MTR: variants seen among roughly 807,000 people sequenced by gnomAD.
MTR encodes the protein methionine synthase.
In MTR, 84 loss-of-function variants were observed where a neutral mutation model predicts 154.8. That is an observed-to-expected ratio of 0.54 (90% CI 0.45 to 0.65). MTR has a LOEUF of 0.65. MTR is among the 30% of genes least tolerant of loss of function. The pLI is 0.00. For missense variants in MTR, 1,275 were observed against 1,570.2 expected, an observed-to-expected ratio of 0.81 and a Z score of 3.18; for synonymous variants, 554 against 553.9, an observed-to-expected ratio of 1.00 and a Z score of 0.00.
At chr1:236,897,310 G>GCGCGCGCGCACGCACACA in intron 32 of MTR, among the ~76,000 whole-genome samples, 192 bp downstream of exon 32, 2 of 128,614 alleles carry the variant, frequency 1.6e-5, no homozygotes, top group Admixed American at 7.6e-5. Flanking sequence ...CCACACACAC[G>GCGCGCGCGCACGCACACA]CACACACACA....
intron 2 of MTR, 44 bp downstream of exon 2, chr1:236,803,686 T>TGCAA: frequency 6.3e-7 from 1 of 1,578,906 alleles, no homozygotes; most frequent in South Asian, 1.1e-5. Flanking sequence ...TCTGTTATTC[T>TGCAA]GCAAGCTGTT....
chr1:236,871,593 A>G (rs1168365862), intron 22 of MTR, among the ~76,000 whole-genome samples: 1 of 152,106 alleles, frequency 6.6e-6, no homozygotes, highest in African/African-American at 2.4e-5. Context: ...CTAGTTTTAT[A>G]TGTGACAGTC....
intron 11 of MTR, among the ~76,000 whole-genome samples, chr1:236,828,631 TTAAGAG>T (rs1388675582): frequency 2.0e-5 from 3 of 152,132 alleles, no homozygotes; most frequent in Non-Finnish European, 2.9e-5. Context: ...AAACAAATCT[TTAAGAG>T]TAATTATTTT....
intron 18 of MTR, among the ~76,000 whole-genome samples, chr1:236,858,021 T>TA (rs1434312367): frequency 6.6e-6 from 1 of 152,108 alleles, no homozygotes; most frequent in East Asian, 1.9e-4. Flanking sequence ...GGCCTGGTGG[T>TA]AAAGAGTTGA....
chr1:236,889,238 T>G lies in MTR; in HGVS notation c.2909T>G (p.Val970Gly). The change falls in exon 28 of 33, where the codon GTG becomes GGG. Residue 970 changes from valine (V) to glycine (G), a missense_variant. Physicochemically the swap from Val to Gly is moderately radical, Grantham distance 109 (BLOSUM62 -3). Coordinates refer to ENST00000366577, the MANE Select transcript of MTR (RefSeq NM_000254.3). ...GAAGACTATGACCTGCAGAAGCTGG[T>G]GGACTACATTGACTGGAAGCCTTTC... is the stretch of plus-strand genomic sequence containing the variant. ...VFEDYDLQKL[V>G]DYIDWKPFFD... 6.2e-7 allele frequency: 1 copy of G among 1,614,216 alleles called. No homozygotes were observed. The highest frequency in any genetic ancestry group is 1.1e-5 in the South Asian group (1 of 91,086).
intron 18 of MTR, among the ~76,000 whole-genome samples, chr1:236,855,126 A>G (rs16834475): frequency 0.077 from 11,743 of 152,194 alleles, 949 homozygotes; most frequent in African/African-American, 0.2. Context: ...GAAATGGAGC[A>G]TGAAGAGCAG....
intron 6 of MTR, among the ~76,000 whole-genome samples, chr1:236,813,443 T>C (rs773290720): frequency 6.6e-6 from 1 of 152,220 alleles, no homozygotes; most frequent in Non-Finnish European, 1.5e-5. Context: ...TTTTTATCTT[T>C]AGTGTCAAAT....
intron 15 of MTR, among the ~76,000 whole-genome samples, chr1:236,843,619 G>C (rs1460826824): frequency 6.6e-6 from 1 of 152,206 alleles, no homozygotes; most frequent in Non-Finnish European, 1.5e-5. Flanking sequence ...CTGTAATTCA[G>C]ATGAGATATG....
Position 236,897,710 on chromosome 1 carries a change from T to A in MTR, c.*66T>A. 1.5e-6 allele frequency: 2 copies of A among 1,379,020 alleles called. No individual in the cohort carries two copies. The highest frequency in any genetic ancestry group is 2.0e-6 in the Non-Finnish European group (2 of 975,786). The allele number at this position is 1,379,020 out of a possible 1,614,324, so 85.4% of individuals were successfully genotyped here. On this transcript the variant is annotated 3_prime_UTR_variant, in exon 33 of 33. Coordinates refer to ENST00000366577, the MANE Select transcript of MTR (RefSeq NM_000254.3). ...CAAGGAAATACAACCTAGGGTGCCT[T>A]AAAAATAACAACAACAAAAAACCTG...
intron 13 of MTR, 63 bp downstream of exon 13, chr1:236,832,141 T>C (rs1193059741): frequency 5.1e-5 from 64 of 1,249,482 alleles, no homozygotes; most frequent in Non-Finnish European, 7.2e-5. Context: ...AGCATGTAAA[T>C]GAAACAGCTC....
intron 15 of MTR, among the ~76,000 whole-genome samples, chr1:236,840,583 G>A (rs1174788649): frequency 6.6e-6 from 1 of 152,202 alleles, no homozygotes; most frequent in African/African-American, 2.4e-5. Context: ...ACATGGCCAC[G>A]TGGAGAAAGA....
chr1:236,851,767 G>A (rs1162209946), intron 16 of MTR, among the ~76,000 whole-genome samples: 1 of 152,076 alleles, frequency 6.6e-6, no homozygotes, highest in African/African-American at 2.4e-5. Context: ...ATATTTTTAT[G>A]TTTTTTTCTT....
At chr1:236,851,011 A>T (rs1663867928) in intron 16 of MTR, among the ~76,000 whole-genome samples, 1 of 152,210 alleles carries the variant, frequency 6.6e-6, no homozygotes, top group Admixed American at 6.5e-5. Context: ...GAGTTTTATG[A>T]CGCTACTCTG....
intron 29 of MTR, 120 bp downstream of exon 29, chr1:236,891,449 C>T: frequency 9.4e-7 from 1 of 1,064,428 alleles, no homozygotes. Context: ...CAATCACATG[C>T]CCAAGAAGTG....
rs542695639 is a variant in MTR at position 236,856,027 on chromosome 1, G to T, written c.1953+2939G>T. ...ATCAGGTTTGGAACATAGCTATCAG[G>T]TGGGATAGTTTTTAGACATCACAAC... On this transcript the variant is annotated intron_variant, in intron 18 of 32. Coordinates refer to ENST00000366577, the MANE Select transcript of MTR (RefSeq NM_000254.3). Among the ~76,000 whole-genome samples, 4 of 152,292 alleles carry T rather than the reference G, an allele frequency of 2.6e-5. No individual in the cohort carries two copies. In the East Asian group the frequency reaches 7.7e-4, roughly 29 times the overall value.
intron 11 of MTR, among the ~76,000 whole-genome samples, chr1:236,827,508 T>C (rs1399349985): frequency 6.6e-6 from 1 of 152,246 alleles, no homozygotes; most frequent in African/African-American, 2.4e-5. Flanking sequence ...CCAGATATTA[T>C]GATATTCTAT....
At position 236,863,554 on chromosome 1, in the gene MTR, G is replaced by A. The variant is rs760932771; in HGVS notation, c.2405G>A (p.Arg802Gln). Residue 802 changes from arginine (R) to glutamine (Q), a missense_variant and splice_region_variant, in exon 22 of 33, where the codon CGA (arginine) becomes CAA (glutamine). By Grantham distance (43) the Arg-to-Gln change is conservative. Transcript: ENST00000366577. The part of the protein sequence containing the change: ...VGVVLGCNNF[R>Q]VIDLGVMTPC... ...GTAGTCCTTGGCTGCAATAATTTCCGGTAAGTTAGGACCTCACCTCTTTCA... is the reference window on the plus strand; with the variant it reads ...GTAGTCCTTGGCTGCAATAATTTCCAGTAAGTTAGGACCTCACCTCTTTCA... The A allele has an allele frequency of 6.2e-6, 10 of 1,613,074 alleles. No homozygotes were observed. The highest frequency in any genetic ancestry group is 1.7e-5 in the Admixed American group (1 of 59,978).
chr1:236,860,202 C>T (rs1437907032), intron 19 of MTR, among the ~76,000 whole-genome samples: 1 of 151,824 alleles, frequency 6.6e-6, no homozygotes. Flanking sequence ...CTGCAGTGCC[C>T]AGGACAGCCC....
At chr1:236,841,946 G>A (rs943464262) in intron 15 of MTR, among the ~76,000 whole-genome samples, 21 of 150,252 alleles carry the variant, frequency 1.4e-4, no homozygotes, top group Non-Finnish European at 1.6e-4. Context: ...GCTGGAGTGC[G>A]GTGGCGCGAT....
Sources: gnomAD v4.1 joint callset for allele counts (sites outside exome capture counted in the v4.1 genomes callset) on GRCh38, gnomAD v4.1.1 for gene constraint, MANE v1.5 for transcripts, NCBI Gene and HGNC (gene_info 2026-07-23, HGNC 2026-07-21) for gene names.